The following ITGA4 variants were observed in gnomAD, a reference collection of about 807,000 sequenced individuals.
ITGA4 encodes the protein integrin alpha-4.
A neutral mutation model predicts 133.6 loss-of-function variants in ITGA4; 63 were observed. The observed-to-expected ratio is 0.47, with a 90% CI of 0.38 to 0.58. ITGA4 has a LOEUF of 0.58. Ranked by LOEUF, ITGA4 falls within the 20% of genes least tolerant of loss-of-function variation. ITGA4 has a pLI of 0.00. For missense variants in ITGA4, 1,076 were observed against 1,252.7 expected, an observed-to-expected ratio of 0.86 and a Z score of 2.13; for synonymous variants, 483 against 438.0, an observed-to-expected ratio of 1.10 and a Z score of -1.28.
Position 181,531,675 on chromosome 2 carries a change from C to T in ITGA4, c.2683C>T (p.Pro895Ser), listed in dbSNP as rs1354333812. ...CTTCAAGTACTGCATAAAAGCTGAT[C>T]CACATTGTTTAAATTTCTTGTGTAA... ...KRLLYCIKAD[P>S]HCLNFLCNFG... The change falls in exon 25 of 28, where the codon CCA becomes TCA. Residue 895 changes from proline (P) to serine (S), a missense_variant. By Grantham distance (74) the Pro-to-Ser change is moderately conservative. Transcript: ENST00000397033. 1 of 1,598,152 alleles carries T rather than the reference C, an allele frequency of 6.3e-7. No homozygotes were observed. The highest frequency in any genetic ancestry group is 1.3e-5 in the African/African-American group (1 of 74,326).
intron 2 of ITGA4, among the ~76,000 whole-genome samples, chr2:181,460,312 A>G (rs1041299387): frequency 6.6e-6 from 1 of 152,232 alleles, no homozygotes; most frequent in South Asian, 2.1e-4. Flanking sequence ...GTTATTTCTC[A>G]TGTAACATTC....
intron 26 of ITGA4, 112 bp from the exon 27 acceptor site, chr2:181,534,704 C>T: frequency 1.2e-6 from 1 of 860,546 alleles, no homozygotes; most frequent in Non-Finnish European, 1.8e-6. Flanking sequence ...ATGGGCTGGG[C>T]AGTTCTAAAT....
chr2:181,458,356 A>AC (rs759621126), intron 2 of ITGA4, 39 bp downstream of exon 2: 4 of 1,595,722 alleles, frequency 2.5e-6, no homozygotes, highest in Non-Finnish European at 2.6e-6. Context: ...TGACCTCCCG[A>AC]CCCCCCATGT....
chr2:181,525,289 T>C lies in ITGA4; in HGVS notation c.2337T>C (p.His779=). Residue 779 remains histidine (H), a splice_region_variant and synonymous_variant, in exon 21 of 28, where the codon CAT becomes CAC. Coordinates refer to ENST00000397033, the MANE Select transcript of ITGA4 (RefSeq NM_000885.6). ...AATATGAGGTTAAGCTGACTGTTCA[T>C]GGGTAAGTAGACATAAAGGCTTCCT... is the stretch of plus-strand genomic sequence containing the variant. ...PLKYEVKLTV[H]GFVNPTSFVY... is the part of the protein sequence containing the mutation. 1.3e-6 allele frequency: 2 copies of C among 1,537,330 alleles called. No individual in the cohort carries two copies. The highest frequency in any genetic ancestry group is 1.8e-6 in the Non-Finnish European group (2 of 1,111,492).
At chr2:181,473,161 G>A (rs1415315911) in intron 2 of ITGA4, among the ~76,000 whole-genome samples, 2 of 152,246 alleles carry the variant, frequency 1.3e-5, no homozygotes, top group Non-Finnish European at 2.9e-5. Flanking sequence ...CTGGGCTGTG[G>A]ATGGGTACTG....
rs775334710 is a variant in ITGA4, at chr2:181,536,397, TAGAAAATAC to T, written c.*876_*884del. On this transcript the variant is annotated 3_prime_UTR_variant, in exon 28 of 28. Coordinates refer to ENST00000397033, the MANE Select transcript of ITGA4 (RefSeq NM_000885.6). ...GCACTTTACCTGATACACGCTGATTTAGAAAATACAGAAACCATACCTCACTAATAACTT... is the reference window on the plus strand; with the variant it reads ...GCACTTTACCTGATACACGCTGATTTAGAAACCATACCTCACTAATAACTT... Among the ~76,000 whole-genome samples, 14 of 148,974 alleles carry T rather than the reference TAGAAAATAC, an allele frequency of 9.4e-5. No homozygotes were observed. The highest frequency in any genetic ancestry group is 2.0e-4 in the Non-Finnish European group (13 of 66,312).
At chr2:181,458,829 GA>G (rs1685199100) in intron 2 of ITGA4, 1 of 153,128 alleles carries the variant, frequency 6.5e-6, no homozygotes, top group South Asian at 2.0e-4. Flanking sequence ...AAAAGAAAAG[GA>G]AAATTGGCAT....
intron 15 of ITGA4, among the ~76,000 whole-genome samples, chr2:181,506,703 G>A (rs1686402549): frequency 6.6e-6 from 1 of 151,990 alleles, no homozygotes; most frequent in South Asian, 2.1e-4. Context: ...AAATAATATA[G>A]CAACACAGCA....
intron 4 of ITGA4, among the ~76,000 whole-genome samples, chr2:181,478,018 A>G (rs1257686374): frequency 2.0e-5 from 3 of 152,120 alleles, no homozygotes; most frequent in African/African-American, 7.2e-5. Flanking sequence ...ATACATAAAC[A>G]TATACAATGG....
chr2:181,482,394 A>G lies in ITGA4; in HGVS notation c.875A>G (p.Asn292Ser), dbSNP rs755107381. The G allele has an allele frequency of 2.5e-6, 4 of 1,612,894 alleles. No homozygotes were observed. Among genetic ancestry groups the G allele is most frequent in the Non-Finnish European group, 3.4e-6 (4 of 1,179,374 alleles). ...YIFSIDEKEL[N>S]ILHEMKGKKL... ...TTCAGCATTGATGAAAAAGAACTAA[A>G]TATCTTACATGAAATGAAAGGTAAA... Residue 292 changes from asparagine to serine, a missense_variant, in exon 8 of 28, where the codon AAT (asparagine) becomes AGT (serine). Asn to Ser is a conservative substitution (Grantham distance 46). Around this residue, in one of 4 missense-constraint regions of ITGA4, gnomAD observed 436 missense variants for 590.7 expected, o/e 0.74. Coordinates refer to ENST00000397033, the MANE Select transcript of ITGA4 (RefSeq NM_000885.6).
intron 2 of ITGA4, 92 bp downstream of exon 2, chr2:181,458,409 T>A: frequency 6.8e-7 from 1 of 1,471,328 alleles, no homozygotes; most frequent in Non-Finnish European, 9.3e-7. Flanking sequence ...TCACGTTGCC[T>A]GTTACTTCTG....
rs1430844146 is a variant in ITGA4, at chr2:181,458,206, G to A, written c.208G>A (p.Gly70Ser). ...SHGANRWLLV[G>S]APTANWLANA... is the part of the protein sequence containing the mutation. ...CGTGTCTCGCTTTAGGCTCCTAGTG[G>A]GTGCGCCCACTGCCAACTGGCTCGC... Residue 70 changes from glycine to serine, a missense_variant, in exon 2 of 28, where the codon GGT (glycine) becomes AGT (serine). Gly to Ser is a moderately conservative substitution (Grantham distance 56). Around this residue, in one of 4 missense-constraint regions of ITGA4, gnomAD observed 436 missense variants for 590.7 expected, o/e 0.74. Transcript: ENST00000397033. 1 of 1,614,006 alleles carries A rather than the reference G, an allele frequency of 6.2e-7. No homozygotes were observed. Among genetic ancestry groups the A allele is most frequent in the Non-Finnish European group, 8.5e-7 (1 of 1,179,956 alleles).
At position 181,493,386 on chromosome 2, in the gene ITGA4, C is replaced by T. The variant is rs754585299; in HGVS notation, c.1215C>T (p.Gly405=). 2 of 1,611,972 alleles carry T rather than the reference C, an allele frequency of 1.2e-6. No homozygotes were observed. Among genetic ancestry groups the T allele is most frequent in the South Asian group, 1.1e-5 (1 of 90,946 alleles). ...AAGGTGCTATTTATATTTACAATGG[C>T]CGTGCAGATGGGATCTCGTCAACCT... ...DLQGAIYIYN[G]RADGISSTFS... Residue 405 remains glycine, a synonymous_variant, in exon 11 of 28, where the codon GGC becomes GGT. Transcript: ENST00000397033.
intron 15 of ITGA4, among the ~76,000 whole-genome samples, chr2:181,507,574 G>A (rs1353496236): frequency 1.3e-5 from 2 of 151,956 alleles, no homozygotes; most frequent in East Asian, 3.9e-4. Context: ...TTGATTCCAG[G>A]ACCCCACTTG....
intron 5 of ITGA4, chr2:181,479,614 A>G (rs1482639668): frequency 6.6e-6 from 1 of 152,032 alleles, no homozygotes; most frequent in East Asian, 1.9e-4. Context: ...TCTTCTCCTA[A>G]ATTTTCCTCT....
At chr2:181,481,545 AC>A in intron 6 of ITGA4, 52 bp from the exon 7 acceptor site, 1 of 842,868 alleles carries the variant, frequency 1.2e-6, no homozygotes, top group Non-Finnish European at 2.0e-6. Context: ...TACCCATATT[AC>A]CATATGATGT....
At position 181,482,364 on chromosome 2, in the gene ITGA4, A is replaced by G; in HGVS notation, c.845A>G (p.Tyr282Cys). The change falls in exon 8 of 28, where the codon TAT becomes TGT. Residue 282 changes from tyrosine to cysteine, a missense_variant. Tyr to Cys is a radical substitution (Grantham distance 194). Coordinates refer to ENST00000397033, the MANE Select transcript of ITGA4 (RefSeq NM_000885.6). ...TAATTCTTTCCCTAATTACAGGCATATATATTCAGCATTGATGAAAAAGAA... is the reference window on the plus strand; with the variant it reads ...TAATTCTTTCCCTAATTACAGGCATGTATATTCAGCATTGATGAAAAAGAA... ...APQHEQIGKA[Y>C]IFSIDEKELN... 6.2e-7 allele frequency: 1 copy of G among 1,610,986 alleles called. No individual in the cohort carries two copies. Among genetic ancestry groups the G allele is most frequent in the Non-Finnish European group, 8.5e-7 (1 of 1,178,352 alleles).
chr2:181,520,054 G>A (rs1223181963), intron 17 of ITGA4, among the ~76,000 whole-genome samples: 1 of 152,106 alleles, frequency 6.6e-6, no homozygotes, highest in African/African-American at 2.4e-5. Context: ...CTAGTAGTGA[G>A]AGGAACCAGA....
At chr2:181,462,937 G>T (rs1685321769) in intron 2 of ITGA4, among the ~76,000 whole-genome samples, 1 of 152,100 alleles carries the variant, frequency 6.6e-6, no homozygotes, top group Non-Finnish European at 1.5e-5. Context: ...GCCTGAACCT[G>T]GGCATACAAA....
Sources: allele counts gnomAD v4.1 joint callset (sites outside exome capture counted in the v4.1 genomes callset), GRCh38; gene constraint gnomAD v4.1.1; regional missense constraint gnomAD v4.1.1; transcripts MANE v1.5; gene names NCBI Gene and HGNC (gene_info 2026-07-23, HGNC 2026-07-21).